KIAA0586: variants seen among roughly 807,000 people sequenced by gnomAD.
The protein encoded by KIAA0586 is protein TALPID3.
A neutral mutation model predicts 169.8 loss-of-function variants in KIAA0586; 144 were observed. The ratio of observed to expected loss-of-function variants is 0.85; its 90% CI spans 0.74 to 0.97. KIAA0586 has a LOEUF of 0.97. KIAA0586 is among the 50% of genes least tolerant of loss of function. The pLI, the probability that KIAA0586 is intolerant of heterozygous loss-of-function variation, is 0.00. For synonymous variants in KIAA0586, 625 were observed against 612.4 expected (o/e 1.02, Z -0.30); for missense variants, 1,854 against 1,823.0 (o/e 1.02, Z -0.31).
At chr14:58,509,499 A>G (rs1331980313) in intron 28 of KIAA0586, among the ~76,000 whole-genome samples, 2 of 152,260 alleles carry the variant, frequency 1.3e-5, no homozygotes, top group East Asian at 1.9e-4. Flanking sequence ...AAAAAGTTCA[A>G]TATTAAGTAG....
chr14:58,541,404 A>C (rs2046626936), intron 30 of KIAA0586, among the ~76,000 whole-genome samples: 1 of 152,234 alleles, frequency 6.6e-6, no homozygotes, highest in Non-Finnish European at 1.5e-5. Flanking sequence ...GTCACTCAGA[A>C]CACAAAGACT....
At position 58,428,036 on chromosome 14, in the gene KIAA0586, C is replaced by A; in HGVS notation, c.-229C>A. The A allele has an allele frequency of 7.0e-7, 1 of 1,430,004 alleles. No individual in the cohort carries two copies. The highest frequency in any genetic ancestry group is 9.1e-7 in the Non-Finnish European group (1 of 1,099,116). 88.6% of individuals were successfully genotyped at this position (1,430,004 alleles called of 1,614,324 possible). The stretch of plus-strand genomic sequence containing the variant: ...CATTCTCTTGTCATCCCCACTTTCA[C>A]ATTTTGGCGTGGTGTATTAATAGAC... On this transcript the variant is annotated 5_prime_UTR_variant, in exon 1 of 31. Coordinates refer to ENST00000652326, the MANE Select transcript of KIAA0586 (RefSeq NM_001329943.3).
Position 58,467,906 on chromosome 14 carries a change from C to T in KIAA0586, c.2426C>T (p.Pro809Leu), listed in dbSNP as rs774230301. 8 of 1,612,612 alleles carry T rather than the reference C, an allele frequency of 5.0e-6. No individual in the cohort carries two copies. The highest frequency in any genetic ancestry group is 6.8e-6 in the Non-Finnish European group (8 of 1,179,352). ...VEMKSEKKDPPQLTVQVLPSV... is the reference protein window; with the variant it reads ...VEMKSEKKDPLQLTVQVLPSV... ...ATGAAGTCAGAAAAAAAGGATCCTC[C>T]TCAGCTTACTGTGCAGGTATGCCAG... Residue 809 changes from proline (P) to leucine (L), a missense_variant, in exon 16 of 31, where the codon CCT becomes CTT. Transcript: ENST00000652326.
At chr14:58,481,001 C>T (rs1015131880) in intron 20 of KIAA0586, among the ~76,000 whole-genome samples, 19 of 152,056 alleles carry the variant, frequency 1.2e-4, no homozygotes, top group South Asian at 4.1e-4. Flanking sequence ...CTTATAAAAA[C>T]GATGTTCTGA....
chr14:58,480,072 T>G (rs1218048862), intron 20 of KIAA0586, among the ~76,000 whole-genome samples: 4 of 152,084 alleles, frequency 2.6e-5, no homozygotes, highest in Non-Finnish European at 1.5e-5. Context: ...TAGACTATCC[T>G]TTAACAGCCC....
chr14:58,489,425 G>T (rs1470698884), intron 24 of KIAA0586, among the ~76,000 whole-genome samples: 2 of 151,876 alleles, frequency 1.3e-5, no homozygotes, highest in African/African-American at 2.4e-5. Context: ...TCACCATTTT[G>T]CCCAGGTTGG....
In KIAA0586 at chr14:58,477,160, C is replaced by G. The variant is rs1227171096; in HGVS notation, c.2863C>G (p.Leu955Val). The change falls in exon 20 of 31, where the codon CTC (leucine) becomes GTC (valine). Residue 955 changes from leucine (L) to valine (V), a missense_variant. By Grantham distance (32) the Leu-to-Val change is conservative (BLOSUM62 1). Coordinates refer to ENST00000652326, the MANE Select transcript of KIAA0586 (RefSeq NM_001329943.3). ...QEIMSRIISG[L>V]FPVQQQIAPS... The stretch of plus-strand genomic sequence containing the variant: ...AATAATGTCAAGAATTATCTCTGGG[C>G]TCTTTCCAGTCCAGCAACAGATTGC... 6.3e-7 allele frequency: 1 copy of G among 1,579,974 alleles called. No homozygotes were observed. The highest frequency in any genetic ancestry group is 8.6e-7 in the Non-Finnish European group (1 of 1,160,516).
chr14:58,529,930 G>A (rs1388227174), intron 29 of KIAA0586, among the ~76,000 whole-genome samples: 11 of 152,192 alleles, frequency 7.2e-5, no homozygotes, highest in African/African-American at 2.2e-4. Context: ...TCTGTTTGCA[G>A]ATGACAAGAT....
At chr14:58,496,622 A>G (rs113828570) in intron 26 of KIAA0586, among the ~76,000 whole-genome samples, 46 of 152,368 alleles carry the variant, frequency 3.0e-4, no homozygotes, top group African/African-American at 1.1e-3. Flanking sequence ...AGAGATGTAC[A>G]TAGGAGAATG....
At chr14:58,427,484 G>A (rs1035941369), upstream of KIAA0586, 4 of 1,089,278 alleles carry the variant, frequency 3.7e-6, no homozygotes, top group African/African-American at 4.7e-5. Context: ...AGCTCTTCAA[G>A]TCTTGGATGA....
At position 58,548,415 on chromosome 14, in the gene KIAA0586, G is replaced by A. The variant is rs1034766526; in HGVS notation, c.*483G>A. ...ATTGATATGGAATAATCTTTGAGAT[G>A]CACTGTTAAAGTGAAAAAAGCCATG... is the stretch of plus-strand genomic sequence containing the variant. On this transcript the variant is annotated 3_prime_UTR_variant, in exon 31 of 31. Transcript: ENST00000652326. The A allele has an allele frequency of 1.3e-5, 2 of 152,340 alleles. No individual in the cohort carries two copies. Among genetic ancestry groups the A allele is most frequent in the East Asian group, 1.9e-4 (1 of 5,200 alleles). The allele number at this position is 152,340 out of a possible 1,614,324, so 9.4% of individuals were successfully genotyped here.
At chr14:58,503,182 A>G (rs1208599791) in intron 27 of KIAA0586, among the ~76,000 whole-genome samples, 1 of 152,198 alleles carries the variant, frequency 6.6e-6, no homozygotes, top group East Asian at 1.9e-4. Context: ...TGTATTGAAT[A>G]CCCACTGTAT....
downstream of KIAA0586, among the ~76,000 whole-genome samples, chr14:58,554,490 G>C (rs1226238642): frequency 6.6e-6 from 1 of 152,144 alleles, no homozygotes; most frequent in African/African-American, 2.4e-5. Context: ...AGCTAAATCT[G>C]CATGTGACAA....
chr14:58,463,858 T>C (rs563489405), intron 14 of KIAA0586: 1 of 275,828 alleles, frequency 3.6e-6, no homozygotes, highest in Non-Finnish European at 7.4e-6. Flanking sequence ...ATTAAAAAAT[T>C]AGATACATAG....
intron 8 of KIAA0586, among the ~76,000 whole-genome samples, chr14:58,452,168 T>C (rs2039443427): frequency 6.6e-6 from 1 of 152,000 alleles, no homozygotes; most frequent in South Asian, 2.1e-4. Context: ...AGACTACAAA[T>C]TGGGTTCAGT....
At chr14:58,458,894 A>G (rs1595183784) in intron 12 of KIAA0586, among the ~76,000 whole-genome samples, 1 of 152,216 alleles carries the variant, frequency 6.6e-6, no homozygotes, top group Non-Finnish European at 1.5e-5. Context: ...TAAAAATACC[A>G]GAGTAATGCA....
intron 10 of KIAA0586, among the ~76,000 whole-genome samples, chr14:58,457,207 T>C (rs1380387326): frequency 6.6e-6 from 1 of 152,228 alleles, no homozygotes; most frequent in East Asian, 1.9e-4. Flanking sequence ...TATTGGTCGC[T>C]GGACTGCTTA....
intron 29 of KIAA0586, chr14:58,539,722 C>T: frequency 5.2e-6 from 1 of 190,700 alleles, no homozygotes; most frequent in Non-Finnish European, 1.1e-5. Context: ...TTATTAAATT[C>T]TTAGGTAAGA....
chr14:58,433,064 T>A (rs955926086), intron 4 of KIAA0586: 2 of 152,308 alleles, frequency 1.3e-5, no homozygotes, highest in African/African-American at 4.8e-5. Flanking sequence ...CACTTTACAT[T>A]TGAATGATAT....
Sources: gnomAD v4.1 joint callset for allele counts (sites outside exome capture counted in the v4.1 genomes callset) on GRCh38, gnomAD v4.1.1 for gene constraint, MANE v1.5 for transcripts, NCBI Gene and HGNC (gene_info 2026-07-23, HGNC 2026-07-21) for gene names.